The following USP54 variants were observed in gnomAD, a reference collection of about 807,000 sequenced individuals.
USP54 encodes the protein ubiquitin carboxyl-terminal hydrolase 54.
A neutral mutation model predicts 170.5 loss-of-function variants in USP54; 87 were observed. The ratio of observed to expected loss-of-function variants is 0.51; its 90% CI spans 0.43 to 0.61. The LOEUF (loss-of-function observed/expected upper bound fraction) is 0.61, where lower values mean the gene tolerates loss of function less well. USP54 is among the 20% of genes least tolerant of loss of function. The probability of loss-of-function intolerance (pLI) is 0.00; values close to 1 mark genes in which losing one functional copy is unlikely to be tolerated. For missense variants in USP54, 1,786 were observed against 2,047.8 expected, an observed-to-expected ratio of 0.87 and a Z score of 2.47; for synonymous variants, 655 against 742.8, an observed-to-expected ratio of 0.88 and a Z score of 1.92.
intron 1 of USP54, among the ~76,000 whole-genome samples, chr10:73,603,887 T>C (rs750438688): frequency 3.9e-5 from 6 of 151,996 alleles, no homozygotes; most frequent in Non-Finnish European, 7.4e-5. Context: ...TCAAGTTCAC[T>C]AATCATTAGG....
At chr10:73,519,629 G>T in intron 19 of USP54, 168 bp downstream of exon 19, 1 of 998,456 alleles carries the variant, frequency 1.0e-6, no homozygotes, top group African/African-American at 1.6e-5. Flanking sequence ...ATAAGGACCA[G>T]CAGTACAATG....
chr10:73,559,975 G>T (rs1038044999), intron 4 of USP54, among the ~76,000 whole-genome samples: 22 of 151,966 alleles, frequency 1.4e-4, no homozygotes, highest in African/African-American at 4.8e-4. Context: ...AACCTGGGAG[G>T]CAGAGGTTGC....
At chr10:73,531,611 TTTTA>T (rs1390181974) in intron 12 of USP54, among the ~76,000 whole-genome samples, 1 of 152,214 alleles carries the variant, frequency 6.6e-6, no homozygotes, top group Non-Finnish European at 1.5e-5. Context: ...AGAGGTCTGA[TTTTA>T]TATGGCTTTA....
At chr10:73,578,807 C>T (rs1304454406) in intron 1 of USP54, among the ~76,000 whole-genome samples, 2 of 152,316 alleles carry the variant, frequency 1.3e-5, no homozygotes, top group Non-Finnish European at 2.9e-5. Context: ...ATGCAAAAAA[C>T]TGAACATTGA....
chr10:73,570,509 T>C (rs1040590487), intron 4 of USP54, among the ~76,000 whole-genome samples: 2 of 150,142 alleles, frequency 1.3e-5, no homozygotes, highest in African/African-American at 2.4e-5. Flanking sequence ...AACTAGGGAA[T>C]AGAAAAATTT....
intron 20 of USP54, chr10:73,513,439 T>A (rs1226609524): frequency 6.7e-6 from 1 of 150,344 alleles, no homozygotes; most frequent in Admixed American, 6.6e-5. Context: ...TACTCCAGCC[T>A]GGATGACAGA....
chr10:73,521,890 T>C (rs2061957216), intron 17 of USP54, among the ~76,000 whole-genome samples: 2 of 152,298 alleles, frequency 1.3e-5, no homozygotes, highest in African/African-American at 4.8e-5. Context: ...AAAATTTTTG[T>C]AAAAGAACTC....
chr10:73,604,027 G>A (rs1247148316), intron 1 of USP54, among the ~76,000 whole-genome samples: 1 of 151,786 alleles, frequency 6.6e-6, no homozygotes, highest in Non-Finnish European at 1.5e-5. Flanking sequence ...GAAGGGGGCA[G>A]ATCATGAGGT....
intron 1 of USP54, among the ~76,000 whole-genome samples, chr10:73,589,970 C>A (rs986090579): frequency 2.0e-5 from 3 of 152,198 alleles, no homozygotes; most frequent in African/African-American, 7.2e-5. Context: ...CTACCACTTA[C>A]AATTGAGTGA....
Position 73,517,205 on chromosome 10 carries a change from G to C in USP54, c.3221C>G (p.Pro1074Arg). The change falls in exon 20 of 24, where the codon CCC (proline) becomes CGC (arginine). Residue 1074 changes from proline (P) to arginine (R), a missense_variant. By Grantham distance (103) the Pro-to-Arg change is moderately radical. Coordinates refer to ENST00000687698, the MANE Select transcript of USP54 (RefSeq NM_001391956.1). ...AAATGAAGAAGCAACAGGCATTATGGGGTGGCAGGTTCTATACAGGGGAAG... is the reference window on the plus strand; with the variant it reads ...AAATGAAGAAGCAACAGGCATTATGCGGTGGCAGGTTCTATACAGGGGAAG... Reference protein sequence around the residue: ...PSLPLYRTCHPIMPVASSFVL... With the variant: ...PSLPLYRTCHRIMPVASSFVL... 3.7e-6 allele frequency: 6 copies of C among 1,614,210 alleles called. No individual in the cohort carries two copies. The highest frequency in any genetic ancestry group is 5.1e-6 in the Non-Finnish European group (6 of 1,180,040).
chr10:73,533,508 C>T (rs1172602371), intron 12 of USP54, among the ~76,000 whole-genome samples: 2 of 150,476 alleles, frequency 1.3e-5, no homozygotes, highest in Non-Finnish European at 3.0e-5. Context: ...ATGGGCAGTA[C>T]ACTATTCTAT....
At chr10:73,526,880 A>C in intron 15 of USP54, 100 bp from the exon 16 acceptor site, 2 of 1,338,804 alleles carry the variant, frequency 1.5e-6, no homozygotes, top group South Asian at 2.9e-5. Context: ...ATCAAACTAC[A>C]CAATTAGAGC....
chr10:73,612,557 G>A (rs2080231687), intron 1 of USP54, among the ~76,000 whole-genome samples: 1 of 152,030 alleles, frequency 6.6e-6, no homozygotes, highest in Non-Finnish European at 1.5e-5. Context: ...GAATATACTT[G>A]ATGGCCGGGT....
At chr10:73,609,310 A>G (rs995268330) in intron 1 of USP54, among the ~76,000 whole-genome samples, 6 of 152,242 alleles carry the variant, frequency 3.9e-5, no homozygotes, top group South Asian at 2.1e-4. Flanking sequence ...ATGTACCATC[A>G]AAGGAAATGG....
In USP54 at chr10:73,618,080, A is replaced by G. The variant is rs1025212219; in HGVS notation, c.-18+7487T>C. ...ACAAAAATTAGCCGAGCTTGGTGGC[A>G]GGTGCCTGTAATCCCAGCTACTCGA... On this transcript the variant is annotated intron_variant, in intron 1 of 22. Transcript: ENST00000339859. Among the ~76,000 whole-genome samples, 4 of 149,230 alleles carry G rather than the reference A, an allele frequency of 2.7e-5. 1 individual carries two copies. Among genetic ancestry groups the G allele is most frequent in the African/African-American group, 7.7e-5 (3 of 38,974 alleles).
chr10:73,518,137 C>T (rs1213091577), intron 19 of USP54: 4 of 977,082 alleles, frequency 4.1e-6, no homozygotes, highest in East Asian at 2.3e-4. Context: ...CTGAAAATCA[C>T]TCATACCAAA....
chr10:73,604,592 A>ATTTT (rs71021554), intron 1 of USP54, among the ~76,000 whole-genome samples: 3 of 141,584 alleles, frequency 2.1e-5, no homozygotes, highest in Admixed American at 7.2e-5. Flanking sequence ...ATCTCCACAA[A>ATTTT]TTTTTTTTTT....
intron 23 of USP54, 119 bp downstream of exon 23, chr10:73,500,536 A>C (rs967454669): frequency 1.1e-6 from 1 of 935,280 alleles, no homozygotes; most frequent in East Asian, 2.8e-5. Context: ...AGTAATTCAT[A>C]TCTTCACACC....
In USP54 at chr10:73,517,692, C is replaced by T. The variant is rs201131582; in HGVS notation, c.2734G>A (p.Gly912Ser). 126 of 1,614,116 alleles carry T rather than the reference C, an allele frequency of 7.8e-5. No homozygotes were observed. Among genetic ancestry groups the T allele is most frequent in the Middle Eastern group, 4.9e-4 (3 of 6,062 alleles). ...CTGGCCCCAAACTCTGTATCCATGC[C>T]GGATTCCAGTTGGGCCTCTTGGCTT... ...LLSQEAQLES[G>S]MDTEFGASSF... is the part of the protein sequence containing the mutation. Residue 912 changes from glycine to serine, a missense_variant, in exon 20 of 24, where the codon GGC becomes AGC. Gly to Ser is a moderately conservative substitution (Grantham distance 56). Coordinates refer to ENST00000687698, the MANE Select transcript of USP54 (RefSeq NM_001391956.1).
Sources: gnomAD v4.1 joint callset for allele counts (sites outside exome capture counted in the v4.1 genomes callset) on GRCh38, gnomAD v4.1.1 for gene constraint, MANE v1.5 for transcripts, NCBI Gene and HGNC (gene_info 2026-07-23, HGNC 2026-07-21) for gene names.